AP3D1: variants seen among roughly 807,000 people sequenced by gnomAD.
AP3D1 encodes adaptor related protein complex 3 subunit delta 1.
AP3D1 carries 51 observed loss-of-function variants against 147.6 expected under a neutral mutation model. The observed-to-expected ratio is 0.35, with a 90% CI of 0.28 to 0.44. AP3D1 has a LOEUF of 0.44. AP3D1 is among the 20% of genes least tolerant of loss of function. The pLI, the probability that AP3D1 is intolerant of heterozygous loss-of-function variation, is 1.00. For synonymous variants in AP3D1, 760 were observed against 663.0 expected, an observed-to-expected ratio of 1.15 and a Z score of -2.25; for missense variants, 1,421 against 1,624.2, an observed-to-expected ratio of 0.87 and a Z score of 2.15.
intron 27 of AP3D1, 23 bp downstream of exon 27, chr19:2,110,684 G>A (rs2018246490): frequency 1.9e-6 from 3 of 1,563,348 alleles, no homozygotes; most frequent in African/African-American, 2.7e-5. Context: ...CCCAGGAGAG[G>A]CCGTGAGTGG....
In AP3D1 at chr19:2,114,186, T is replaced by C. The variant is rs373921996; in HGVS notation, c.2540A>G (p.Lys847Arg). 3.7e-6 allele frequency: 6 copies of C among 1,604,298 alleles called. No individual in the cohort carries two copies. In the African/African-American group the frequency reaches 8.0e-5, roughly 22 times the overall value. The change falls in exon 22 of 32, where the codon AAA (lysine) becomes AGA (arginine). Residue 847 changes from lysine (K) to arginine (R), a missense_variant. Physicochemically the swap from Lys to Arg is conservative, Grantham distance 26. This residue lies in a region of AP3D1 where 791 missense variants were observed against 761.4 expected (regional missense o/e 1.04). Transcript: ENST00000643116. ...CTCTTTCTCTTTGTGTTTTTTCTCT[T>C]TCTTCTTGGGTTTCTTGCTCTTCTT... ...VEKKSKKPKK[K>R]EKKHKEKERD... is the part of the protein sequence containing the mutation.
rs1203188486 is a variant in AP3D1 at position 2,130,522 on chromosome 19, G to A, written c.478C>T (p.Pro160Ser). The change falls in exon 6 of 32, where the codon CCC becomes TCC. Residue 160 changes from proline to serine, a missense_variant. Coordinates refer to ENST00000643116, the MANE Select transcript of AP3D1 (RefSeq NM_001261826.3). Reference protein sequence around the residue: ...DIMTLMSHTKPYIRKKAVLIM... With the variant: ...DIMTLMSHTKSYIRKKAVLIM... ...AGCACAGCCTTCTTCCTGATGTAGG[G>A]CTTGGTGTGTGACATCTGCGGGGCA... 1 of 1,614,006 alleles carries A rather than the reference G, an allele frequency of 6.2e-7. No homozygotes were observed. Among genetic ancestry groups the A allele is most frequent in the Non-Finnish European group, 8.5e-7 (1 of 1,179,958 alleles).
At chr19:2,134,572 T>C (rs552774435) in intron 4 of AP3D1, among the ~76,000 whole-genome samples, 3 of 143,990 alleles carry the variant, frequency 2.1e-5, no homozygotes, top group Non-Finnish European at 4.6e-5. Flanking sequence ...CTGTCTGTAC[T>C]AAAAATACCC....
At chr19:2,134,594 A>G (rs910636248) in intron 4 of AP3D1, among the ~76,000 whole-genome samples, 3 of 151,236 alleles carry the variant, frequency 2.0e-5, no homozygotes, top group African/African-American at 7.3e-5. Flanking sequence ...AAAAAAAAAA[A>G]AGAAAGAAAA....
intron 12 of AP3D1, 64 bp from the exon 13 acceptor site, chr19:2,121,375 C>A (rs978373132): frequency 1.9e-6 from 3 of 1,563,916 alleles, no homozygotes; most frequent in East Asian, 2.2e-5. Flanking sequence ...TGGTGAGACA[C>A]CCAACACCTG....
Position 2,118,418 on chromosome 19 carries a change from G to A in AP3D1, c.1713+183C>T, listed in dbSNP as rs377752429. On this transcript the variant is annotated intron_variant, in intron 15 of 31. Coordinates refer to ENST00000643116, the MANE Select transcript of AP3D1 (RefSeq NM_001261826.3). ...CCCCAGTCCTACTGACGGATCCCCC[G>A]TCCTGCTGACCTCCAGGTCCCACTG... Among the ~76,000 whole-genome samples, 8 of 152,242 alleles carry A rather than the reference G, an allele frequency of 5.3e-5. No individual in the cohort carries two copies. In the South Asian group the frequency reaches 6.2e-4, roughly 12 times the overall value.
Position 2,129,315 on chromosome 19 carries a change from T to C in AP3D1, c.732+3A>G. ...GGAGGCCACATTCCCGGGCAGTACT[T>C]GCCAGCTTGATGATCTTGATGAGGA... On this transcript the variant is annotated splice_donor_region_variant and intron_variant, in intron 7 of 31. Transcript: ENST00000643116. The C allele has an allele frequency of 6.2e-7, 1 of 1,613,756 alleles. No individual in the cohort carries two copies. Among genetic ancestry groups the C allele is most frequent in the Non-Finnish European group, 8.5e-7 (1 of 1,179,982 alleles).
chr19:2,150,449 G>A (rs918814917), intron 1 of AP3D1, among the ~76,000 whole-genome samples: 2 of 152,216 alleles, frequency 1.3e-5, no homozygotes, highest in Non-Finnish European at 2.9e-5. Flanking sequence ...GATCCCCACG[G>A]TTGTAATTTT....
At position 2,116,222 on chromosome 19, in the gene AP3D1, C is replaced by T. The variant is rs373890557; in HGVS notation, c.2058G>A (p.Ser686=). Residue 686 remains serine (S), a synonymous_variant, in exon 18 of 32, where the codon TCG becomes TCA. Coordinates refer to ENST00000643116, the MANE Select transcript of AP3D1 (RefSeq NM_001261826.3). ...CGGGCCTCACCTTCTGTGGCGATGG[C>T]GAGCTCTTGATGTAGAAGGGGTTGT... The part of the protein sequence containing the change: ...QANNPFYIKS[S]PSPQKRYQDT... The T allele has an allele frequency of 7.4e-6, 12 of 1,614,016 alleles. No homozygotes were observed. In the African/African-American group the frequency reaches 9.3e-5, roughly 13 times the overall value.
intron 1 of AP3D1, among the ~76,000 whole-genome samples, chr19:2,157,183 C>T (rs962160002): frequency 6.6e-6 from 1 of 151,690 alleles, no homozygotes; most frequent in African/African-American, 2.4e-5. Flanking sequence ...TGGCTCACGC[C>T]TGTAATCCCA....
intron 1 of AP3D1, among the ~76,000 whole-genome samples, chr19:2,140,464 C>A (rs1453526551): frequency 6.7e-6 from 1 of 149,338 alleles, no homozygotes; most frequent in African/African-American, 2.5e-5. Context: ...GGGTCTGCTC[C>A]AGTCAACTTG....
chr19:2,120,894 G>A lies in AP3D1; in HGVS notation c.1449C>T (p.Tyr483=), dbSNP rs747366620. ...ACTCCCCGCAGATCCAGGCGGCAGC[G>A]TACAGCACCTCACAGATCCCGTTCC... ...TQRNGICEVL[Y]AAAWICGEFS... Residue 483 remains tyrosine, a synonymous_variant, in exon 14 of 32, where the codon TAC becomes TAT. Transcript: ENST00000643116. The A allele has an allele frequency of 4.8e-5, 78 of 1,610,668 alleles. No homozygotes were observed. In the East Asian group the frequency reaches 7.1e-4, roughly 15 times the overall value.
chr19:2,107,812 G>A (rs946306629), intron 31 of AP3D1, among the ~76,000 whole-genome samples: 7 of 151,742 alleles, frequency 4.6e-5, no homozygotes, highest in South Asian at 2.1e-4. Context: ...GACACAAACC[G>A]TGACCATCAG....
Position 2,115,350 on chromosome 19 carries a change from C to A in AP3D1, c.2218G>T (p.Asp740Tyr). The A allele has an allele frequency of 1.2e-6, 2 of 1,608,898 alleles. No individual in the cohort carries two copies. Among genetic ancestry groups the A allele is most frequent in the Non-Finnish European group, 1.7e-6 (2 of 1,179,862 alleles). ...ERRHRQKLEK[D>Y]KRRKKRKEKE... ...TCCTTCCTCTTTTTCCTCCTCTTGTCCTTCTCCAGCTTCTGCCGGTGCCGC... is the reference window on the plus strand; with the variant it reads ...TCCTTCCTCTTTTTCCTCCTCTTGTACTTCTCCAGCTTCTGCCGGTGCCGC... Residue 740 changes from aspartate to tyrosine, a missense_variant, in exon 20 of 32, where the codon GAC becomes TAC. Around this residue, in one of 6 missense-constraint regions of AP3D1, gnomAD observed 791 missense variants for 761.4 expected, o/e 1.04. Transcript: ENST00000643116.
chr19:2,105,565 A>G (rs2018087504), intron 31 of AP3D1, among the ~76,000 whole-genome samples: 1 of 152,220 alleles, frequency 6.6e-6, no homozygotes, highest in Admixed American at 6.5e-5. Context: ...AACAATGCTA[A>G]TGACTGGCTT....
chr19:2,148,199 A>G (rs920576387), intron 1 of AP3D1, among the ~76,000 whole-genome samples: 5 of 151,990 alleles, frequency 3.3e-5, no homozygotes, highest in Non-Finnish European at 7.4e-5. Context: ...TCCCAAAACT[A>G]TGAAAAGGAC....
At chr19:2,135,533 C>T (rs531589373) in intron 4 of AP3D1, among the ~76,000 whole-genome samples, 34 of 152,324 alleles carry the variant, frequency 2.2e-4, no homozygotes, top group African/African-American at 7.9e-4. Flanking sequence ...GAGACTCAGT[C>T]TCAAAACAAA....
In AP3D1 at chr19:2,137,749, C is replaced by T. The variant is rs1265084222; in HGVS notation, c.251G>A (p.Ser84Asn). The change falls in exon 3 of 32, where the codon AGT (serine) becomes AAT (asparagine). Residue 84 changes from serine to asparagine, a missense_variant. Transcript: ENST00000643116. The part of the protein sequence containing the change: ...WAAFNIIEVM[S>N]ASKFTFKRIG... ...CACCTTGAAGGTGAACTTGGAGGCA[C>T]TCATCACTTCTATGATGTTGAAGGC... 4 of 1,614,026 alleles carry T rather than the reference C, an allele frequency of 2.5e-6. No homozygotes were observed. The highest frequency in any genetic ancestry group is 3.4e-6 in the Non-Finnish European group (4 of 1,179,952).
rs757621745 is a variant in AP3D1 at position 2,110,240 on chromosome 19, G to C, written c.3176-16C>G. On this transcript the variant is annotated splice_polypyrimidine_tract_variant and intron_variant, in intron 27 of 31. Transcript: ENST00000643116. ...TTGGAGACGCCTGGCGGGGGCGAGA[G>C]GGAGTGGGGCCTGAGACGCTGCGGG... is the stretch of plus-strand genomic sequence containing the variant. The C allele has an allele frequency of 6.2e-7, 1 of 1,609,566 alleles. No individual in the cohort carries two copies. The highest frequency in any genetic ancestry group is 8.5e-7 in the Non-Finnish European group (1 of 1,179,156).
Sources: gnomAD v4.1 joint callset for allele counts (sites outside exome capture counted in the v4.1 genomes callset) on GRCh38, gnomAD v4.1.1 for gene constraint, gnomAD v4.1.1 regional missense constraint, MANE v1.5 for transcripts, NCBI Gene and HGNC (gene_info 2026-07-23, HGNC 2026-07-21) for gene names.